SLC44A1: variants seen among roughly 807,000 people sequenced by gnomAD.
SLC44A1 encodes the protein choline transporter-like protein 1.
SLC44A1 carries 26 observed loss-of-function variants against 79.3 expected under a neutral mutation model. The ratio of observed to expected loss-of-function variants is 0.33; its 90% CI spans 0.24 to 0.46. SLC44A1 has a LOEUF of 0.46. Ranked by LOEUF, SLC44A1 falls within the 20% of genes least tolerant of loss-of-function variation. The probability of loss-of-function intolerance (pLI) is 1.00; values close to 1 mark genes in which losing one functional copy is unlikely to be tolerated. For missense variants in SLC44A1, 688 were observed against 798.1 expected, an observed-to-expected ratio of 0.86 and a Z score of 1.66; for synonymous variants, 263 against 286.2, an observed-to-expected ratio of 0.92 and a Z score of 0.82.
Position 105,285,721 on chromosome 9 carries a change from G to T in SLC44A1, c.37-13499G>T, listed in dbSNP as rs538302136. Among the ~76,000 whole-genome samples, 19 of 152,308 alleles carry T rather than the reference G, an allele frequency of 1.2e-4. No individual in the cohort carries two copies. The South Asian group carries it at 3.9e-3, about 32-fold the overall frequency. On this transcript the variant is annotated intron_variant, in intron 1 of 15. Transcript: ENST00000374720. Reference sequence around the variant, plus strand: ...TTACAAAGAACCTTTTTAAGGGTGGGGAAGATTACAGAGTACATTGATCAG... The same window carrying T: ...TTACAAAGAACCTTTTTAAGGGTGGTGAAGATTACAGAGTACATTGATCAG...
At chr9:105,282,825 C>T (rs531578940) in intron 1 of SLC44A1, among the ~76,000 whole-genome samples, 4 of 152,250 alleles carry the variant, frequency 2.6e-5, no homozygotes, top group Admixed American at 1.3e-4. Flanking sequence ...GGATTACAGG[C>T]GTGAGCCACT....
Position 105,396,062 on chromosome 9 carries a change from T to C in SLC44A1, c.*7006T>C. On this transcript the variant is annotated 3_prime_UTR_variant, in exon 16 of 16. Coordinates refer to ENST00000374720, the MANE Select transcript of SLC44A1 (RefSeq NM_080546.5). ...TCAGAACTTGGTTTTTGGCCCCTAT[T>C]GTTTTTGCCTATTTTGATTTTCAGA... 1.0e-6 allele frequency: 1 copy of C among 985,440 alleles called. No homozygotes were observed. Among genetic ancestry groups the C allele is most frequent in the Non-Finnish European group, 1.2e-6 (1 of 829,946 alleles). 61.0% of individuals were successfully genotyped at this position (985,440 alleles called of 1,614,324 possible). A position where few individuals can be genotyped will look rare whatever the true frequency, so the allele number is the denominator to read the frequency against.
At chr9:105,262,400 T>C (rs1013740787) in intron 1 of SLC44A1, among the ~76,000 whole-genome samples, 1 of 152,216 alleles carries the variant, frequency 6.6e-6, no homozygotes, top group Non-Finnish European at 1.5e-5. Flanking sequence ...ACAATGGCTT[T>C]TGAGGCAGTC....
intron 3 of SLC44A1, among the ~76,000 whole-genome samples, chr9:105,312,934 T>C (rs1023026290): frequency 6.6e-6 from 1 of 152,202 alleles, no homozygotes; most frequent in Non-Finnish European, 1.5e-5. Flanking sequence ...CAAGAGCCTT[T>C]CCTTTGGTGG....
intron 6 of SLC44A1, among the ~76,000 whole-genome samples, chr9:105,356,620 G>A (rs111780335): frequency 0.019 from 2,813 of 152,004 alleles, 86 homozygotes; most frequent in African/African-American, 0.065. Context: ...TTTCCCAAAC[G>A]TTGTTTACTA....
intron 1 of SLC44A1, among the ~76,000 whole-genome samples, chr9:105,257,849 T>C (rs1348158710): frequency 6.6e-6 from 1 of 151,676 alleles, no homozygotes; most frequent in Non-Finnish European, 1.5e-5. Flanking sequence ...CTGACCAGAG[T>C]GGAGTGAAGA....
chr9:105,253,358 G>A (rs567126307), intron 1 of SLC44A1, among the ~76,000 whole-genome samples: 15 of 152,134 alleles, frequency 9.9e-5, no homozygotes, highest in Non-Finnish European at 2.1e-4. Flanking sequence ...TGTTTTTGTA[G>A]ATTTGTGATA....
chr9:105,432,760 G>A (rs983151737), intron 15 of SLC44A1, among the ~76,000 whole-genome samples: 31 of 152,168 alleles, frequency 2.0e-4, no homozygotes, highest in African/African-American at 5.6e-4. Flanking sequence ...CTATTGCAGC[G>A]TTATTACAGC....
intron 3 of SLC44A1, among the ~76,000 whole-genome samples, chr9:105,320,274 G>A (rs530884814): frequency 1.3e-5 from 2 of 148,598 alleles, no homozygotes; most frequent in Admixed American, 1.3e-4. Flanking sequence ...TTGCCATTTG[G>A]GTTATTTCAA....
chr9:105,310,561 C>A lies in SLC44A1; in HGVS notation c.269+695C>A, dbSNP rs1463510819. Among the ~76,000 whole-genome samples, 6 of 152,130 alleles carry A rather than the reference C, an allele frequency of 3.9e-5. 1 individual carries two copies. ...CTTATTAGGCATTTTAAGTATCTAA[C>A]TTGTTCTTCAGAATTAACAAAACTA... On this transcript the variant is annotated intron_variant, in intron 3 of 15. Transcript: ENST00000374720.
intron 15 of SLC44A1, among the ~76,000 whole-genome samples, chr9:105,402,723 T>C (rs1588870647): frequency 1.3e-5 from 2 of 152,208 alleles, no homozygotes; most frequent in African/African-American, 2.4e-5. Context: ...TTCTACATTG[T>C]CATGCTAACC....
rs563773845 is a variant in SLC44A1 at position 105,281,087 on chromosome 9, C to G, written c.37-18133C>G. On this transcript the variant is annotated intron_variant, in intron 1 of 15. Coordinates refer to ENST00000374720, the MANE Select transcript of SLC44A1 (RefSeq NM_080546.5). ...GAAGCATAAGATAGACATAACAGAGCAAAAAATTCACTGTTGTCATGGAGA... is the reference window on the plus strand; with the variant it reads ...GAAGCATAAGATAGACATAACAGAGGAAAAAATTCACTGTTGTCATGGAGA... Among the ~76,000 whole-genome samples the G allele has an allele frequency of 2.5e-3, 385 of 152,282 alleles. 2 individuals are homozygous for G. Among genetic ancestry groups the G allele is most frequent in the Non-Finnish European group, 3.9e-3 (266 of 68,022 alleles).
At chr9:105,387,172 T>C (rs970310970) in intron 15 of SLC44A1, among the ~76,000 whole-genome samples, 43 of 150,332 alleles carry the variant, frequency 2.9e-4, no homozygotes, top group African/African-American at 1.0e-3. Flanking sequence ...AATCGCATAT[T>C]CAACCTAAGT....
At chr9:105,264,907 C>T (rs561409568) in intron 1 of SLC44A1, among the ~76,000 whole-genome samples, 15 of 152,142 alleles carry the variant, frequency 9.9e-5, no homozygotes, top group African/African-American at 3.6e-4. Context: ...AGTGATTCTC[C>T]TGCCTCAGCC....
intron 1 of SLC44A1, among the ~76,000 whole-genome samples, chr9:105,247,912 A>G (rs2131189532): frequency 6.6e-6 from 1 of 152,316 alleles, no homozygotes. Context: ...TGGACTGTTT[A>G]AGTTAAAATT....
intron 15 of SLC44A1, among the ~76,000 whole-genome samples, chr9:105,433,841 G>A (rs1325133815): frequency 1.3e-5 from 2 of 152,106 alleles, no homozygotes; most frequent in African/African-American, 2.4e-5. Flanking sequence ...ATCTACCCAC[G>A]AATAAAAACT....
At chr9:105,345,227 G>C (rs905734918) in intron 4 of SLC44A1, among the ~76,000 whole-genome samples, 2 of 152,162 alleles carry the variant, frequency 1.3e-5, no homozygotes, top group African/African-American at 4.8e-5. Flanking sequence ...GGTCATGAAG[G>C]TCTGAGATAA....
intron 1 of SLC44A1, among the ~76,000 whole-genome samples, chr9:105,272,592 C>G (rs1350447927): frequency 6.6e-6 from 1 of 150,506 alleles, no homozygotes; most frequent in Non-Finnish European, 1.5e-5. Flanking sequence ...TCACTATTCT[C>G]TTTACAGGTG....
intron 1 of SLC44A1, among the ~76,000 whole-genome samples, chr9:105,288,751 CAAT>C (rs1830534577): frequency 1.3e-5 from 2 of 152,156 alleles, no homozygotes; most frequent in Non-Finnish European, 2.9e-5. Context: ...GTTTCTTAAC[CAAT>C]GTTATCAGCG....
Sources: allele counts gnomAD v4.1 joint callset (sites outside exome capture counted in the v4.1 genomes callset), GRCh38; gene constraint gnomAD v4.1.1; transcripts MANE v1.5; gene names NCBI Gene and HGNC (gene_info 2026-07-23, HGNC 2026-07-21).